CACNA2D3: variants seen among roughly 807,000 people sequenced by gnomAD.
CACNA2D3 encodes the protein voltage-dependent calcium channel subunit alpha-2/delta-3.
In CACNA2D3, 60 loss-of-function variants were observed where a neutral mutation model predicts 160.6. The observed-to-expected ratio is 0.37, with a 90% CI of 0.30 to 0.46. CACNA2D3 has a LOEUF of 0.46. CACNA2D3 is among the 20% of genes least tolerant of loss of function. The probability of loss-of-function intolerance (pLI) is 1.00; values close to 1 mark genes in which losing one functional copy is unlikely to be tolerated. For synonymous variants in CACNA2D3, 558 were observed against 492.9 expected (o/e 1.13, Z -1.75); for missense variants, 1,205 against 1,365.0 (o/e 0.88, Z 1.85).
chr3:54,649,106 C>T (rs980796598), intron 11 of CACNA2D3, among the ~76,000 whole-genome samples: 1 of 152,208 alleles, frequency 6.6e-6, no homozygotes, highest in Non-Finnish European at 1.5e-5. Flanking sequence ...TACTCCTTTT[C>T]ATGCTGGAGC....
intron 14 of CACNA2D3, among the ~76,000 whole-genome samples, chr3:54,817,960 G>A (rs578002779): frequency 6.6e-6 from 1 of 152,268 alleles, no homozygotes; most frequent in African/African-American, 2.4e-5. Context: ...TAAATAAATG[G>A]TCAGAATTCC....
chr3:54,810,058 A>G (rs915966098), intron 13 of CACNA2D3, among the ~76,000 whole-genome samples: 1 of 152,222 alleles, frequency 6.6e-6, no homozygotes, highest in Non-Finnish European at 1.5e-5. Flanking sequence ...CAGAGCTGAG[A>G]TCTGACGCAT....
At chr3:54,417,007 G>A (rs1251140509) in intron 4 of CACNA2D3, among the ~76,000 whole-genome samples, 1 of 152,182 alleles carries the variant, frequency 6.6e-6, no homozygotes, top group African/African-American at 2.4e-5. Flanking sequence ...GACATGGTAT[G>A]TCTTTGGCAG....
intron 11 of CACNA2D3, among the ~76,000 whole-genome samples, chr3:54,687,136 T>TTTG (rs1700473798): frequency 1.1e-4 from 5 of 43,510 alleles, no homozygotes; most frequent in Non-Finnish European, 2.0e-4. Context: ...TTTTTTTTTG[T>TTTG]TTTTTTTTTT....
intron 35 of CACNA2D3, among the ~76,000 whole-genome samples, chr3:55,051,715 C>T (rs578064967): frequency 1.3e-5 from 2 of 152,256 alleles, no homozygotes; most frequent in African/African-American, 2.4e-5. Flanking sequence ...TCGCTGCCGC[C>T]TTGCAGTTTG....
chr3:54,641,116 C>T (rs1411639662), intron 10 of CACNA2D3, among the ~76,000 whole-genome samples: 1 of 151,570 alleles, frequency 6.6e-6, no homozygotes, highest in Non-Finnish European at 1.5e-5. Flanking sequence ...ATGACTGTGT[C>T]CTGGGGTGCA....
chr3:55,012,368 C>T (rs1703229614), intron 34 of CACNA2D3, among the ~76,000 whole-genome samples: 2 of 151,974 alleles, frequency 1.3e-5, no homozygotes, highest in Non-Finnish European at 2.9e-5. Flanking sequence ...AGGCAGCAGG[C>T]TTGTTGTTTT....
chr3:54,305,542 G>T (rs1243940287), intron 2 of CACNA2D3, among the ~76,000 whole-genome samples: 2 of 152,246 alleles, frequency 1.3e-5, no homozygotes, highest in Non-Finnish European at 2.9e-5. Flanking sequence ...ATCACATGAT[G>T]AATGTACGCT....
chr3:55,063,390 GA>G (rs5849070), intron 35 of CACNA2D3, among the ~76,000 whole-genome samples: 2,299 of 121,804 alleles, frequency 0.019, 52 homozygotes, highest in African/African-American at 0.056. Context: ...AAGCTTAAAA[GA>G]AAAAAAAAAA....
chr3:54,653,340 T>C, intron 11 of CACNA2D3, among the ~76,000 whole-genome samples: 1 of 152,198 alleles, frequency 6.6e-6, no homozygotes, highest in Admixed American at 6.5e-5. Context: ...CATTTCTCTC[T>C]TCTCTTTTTC....
At chr3:54,847,305 CTG>C (rs1444007305) in intron 17 of CACNA2D3, among the ~76,000 whole-genome samples, 3 of 152,222 alleles carry the variant, frequency 2.0e-5, no homozygotes, top group Non-Finnish European at 4.4e-5. Context: ...GCAGTGAACA[CTG>C]TTTTTTAAAG....
chr3:54,983,528 A>G (rs1034332662), intron 29 of CACNA2D3, among the ~76,000 whole-genome samples: 1 of 152,230 alleles, frequency 6.6e-6, no homozygotes, highest in Non-Finnish European at 1.5e-5. Flanking sequence ...ATCCCTTTGT[A>G]TAACCAGGAG....
At chr3:55,002,575 A>G (rs1285759604) in intron 31 of CACNA2D3, among the ~76,000 whole-genome samples, 1 of 152,258 alleles carries the variant, frequency 6.6e-6, no homozygotes, top group Non-Finnish European at 1.5e-5. Flanking sequence ...GGACATCCCC[A>G]AGCCTAATGC....
chr3:54,594,244 A>G (rs891674891), intron 9 of CACNA2D3, among the ~76,000 whole-genome samples: 2 of 152,184 alleles, frequency 1.3e-5, no homozygotes, highest in Admixed American at 6.5e-5. Context: ...TTCTGCTGTA[A>G]CTACTCAGCT....
chr3:54,825,032 A>C (rs1703720978), intron 14 of CACNA2D3, among the ~76,000 whole-genome samples: 1 of 152,142 alleles, frequency 6.6e-6, no homozygotes, highest in African/African-American at 2.4e-5. Flanking sequence ...AAAAATTCTC[A>C]TTTATTTAAA....
chr3:54,792,513 T>C (rs1318176279), intron 13 of CACNA2D3, among the ~76,000 whole-genome samples: 1 of 152,226 alleles, frequency 6.6e-6, no homozygotes, highest in African/African-American at 2.4e-5. Flanking sequence ...TGGCTAGCTC[T>C]AGGTGGCCAA....
At chr3:54,809,105 T>A (rs766553032) in intron 13 of CACNA2D3, among the ~76,000 whole-genome samples, 4 of 152,064 alleles carry the variant, frequency 2.6e-5, no homozygotes, top group African/African-American at 4.8e-5. Context: ...CAGGTTCTTA[T>A]GGCTACTAAG....
rs530626646 is a variant in CACNA2D3, at chr3:54,609,608, C to T, written c.964-18179C>T. Among the ~76,000 whole-genome samples the T allele has an allele frequency of 9.2e-5, 14 of 152,142 alleles. No individual in the cohort carries two copies. In the East Asian group the frequency reaches 9.6e-4, roughly 10 times the overall value. On this transcript the variant is annotated intron_variant, in intron 9 of 37. Coordinates refer to ENST00000474759, the MANE Select transcript of CACNA2D3 (RefSeq NM_018398.3). ...TTCTATGATGTGATCTTAACACGTC[C>T]GCTAATAGGGAACAGAGAGGAGGGG...
intron 17 of CACNA2D3, among the ~76,000 whole-genome samples, chr3:54,859,728 C>G (rs563432620): frequency 6.6e-6 from 1 of 152,204 alleles, no homozygotes; most frequent in Non-Finnish European, 1.5e-5. Flanking sequence ...CAGCTCCAAC[C>G]TGGTAGCCTC....
Sources: gnomAD v4.1 joint callset for allele counts (sites outside exome capture counted in the v4.1 genomes callset) on GRCh38, gnomAD v4.1.1 for gene constraint, MANE v1.5 for transcripts, NCBI Gene and HGNC (gene_info 2026-07-23, HGNC 2026-07-21) for gene names.